BTBD2: variants seen among roughly 807,000 people sequenced by gnomAD.
BTBD2 encodes the protein BTB domain containing 2, also known as BTB/POZ domain-containing protein 2.
Under a neutral mutation model 44.0 loss-of-function variants are expected in BTBD2, and 15 were observed. The ratio of observed to expected loss-of-function variants is 0.34; its 90% CI spans 0.23 to 0.53. The LOEUF (loss-of-function observed/expected upper bound fraction) is 0.53, where lower values mean the gene tolerates loss of function less well. BTBD2 is among the 20% of genes least tolerant of loss of function. The probability of loss-of-function intolerance (pLI) is 0.95; values close to 1 mark genes in which losing one functional copy is unlikely to be tolerated. For missense variants in BTBD2, 657 were observed against 746.4 expected, an observed-to-expected ratio of 0.88 and a Z score of 1.39; for synonymous variants, 443 against 335.9, an observed-to-expected ratio of 1.32 and a Z score of -3.49.
At chr19:1,994,604 C>A (rs2016226095) in intron 2 of BTBD2, among the ~76,000 whole-genome samples, 1 of 151,812 alleles carries the variant, frequency 6.6e-6, no homozygotes, top group African/African-American at 2.4e-5. Context: ...ACTAAAAATA[C>A]AAAAATTAGC....
Position 1,986,493 on chromosome 19 carries a change from T to A in BTBD2, c.1573A>T (p.Thr525Ser), listed in dbSNP as rs1394986554. The stretch of plus-strand genomic sequence containing the variant: ...CGGTGTCGGTGTCGGGCAGCCTAGG[T>A]GTAGAAGATGACCTCGGGGATCTGG... ...DGQIPEVIFY[T>S] The change falls in exon 9 of 9, where the codon ACC (threonine) becomes TCC (serine). Residue 525 changes from threonine (T) to serine (S), a missense_variant. By Grantham distance (58) the Thr-to-Ser change is moderately conservative. Around this residue, in one of 3 missense-constraint regions of BTBD2, gnomAD observed 449 missense variants for 510.9 expected, o/e 0.88. Coordinates refer to ENST00000255608, the MANE Select transcript of BTBD2 (RefSeq NM_017797.4). 6.2e-7 allele frequency: 1 copy of A among 1,613,600 alleles called. No individual in the cohort carries two copies. The highest frequency in any genetic ancestry group is 2.2e-5 in the East Asian group (1 of 44,852).
chr19:2,004,709 T>C (rs185462471), intron 1 of BTBD2, among the ~76,000 whole-genome samples: 256 of 150,820 alleles, frequency 1.7e-3, no homozygotes, highest in African/African-American at 5.6e-3. Flanking sequence ...CCAGGAGCAG[T>C]GGCTCATGCC....
chr19:2,000,974 C>A (rs567433033), intron 1 of BTBD2, among the ~76,000 whole-genome samples: 2 of 152,306 alleles, frequency 1.3e-5, no homozygotes, highest in Admixed American at 6.5e-5. Flanking sequence ...TCCCCAGAGT[C>A]CTCAGATTCA....
intron 2 of BTBD2, among the ~76,000 whole-genome samples, chr19:1,995,640 ATT>A (rs201871379): frequency 1.9e-4 from 24 of 126,266 alleles, no homozygotes; most frequent in Admixed American, 8.0e-4. Context: ...ACTTTGATCT[ATT>A]TTTTTTTTTT....
intron 1 of BTBD2, among the ~76,000 whole-genome samples, chr19:2,011,409 T>A (rs1420739528): frequency 6.6e-6 from 1 of 152,066 alleles, no homozygotes; most frequent in East Asian, 1.9e-4. Flanking sequence ...GCGGATCTGG[T>A]CACACTGGGC....
intron 1 of BTBD2, among the ~76,000 whole-genome samples, chr19:1,998,938 C>T (rs2016288508): frequency 1.3e-5 from 2 of 152,150 alleles, no homozygotes; most frequent in South Asian, 4.1e-4. Context: ...AAGTCTCCCA[C>T]CACAGCAAGT....
intron 1 of BTBD2, among the ~76,000 whole-genome samples, chr19:2,010,439 G>A (rs1319772028): frequency 1.3e-5 from 2 of 152,094 alleles, no homozygotes; most frequent in African/African-American, 4.8e-5. Flanking sequence ...CTGCGCGACG[G>A]TCCAGACACT....
rs1244810480 is a variant in BTBD2 at position 1,997,476 on chromosome 19, AGAGAAG to A, written c.408-19_408-14del. On this transcript the variant is annotated splice_polypyrimidine_tract_variant and intron_variant, in intron 1 of 8. Transcript: ENST00000255608. ...GGCCAGCACGAACCTGGTACGGGAG[AGAGAAG>A]GCCCTGGTTAAGCCCGTGGCCGCCA... The A allele has an allele frequency of 6.2e-7, 1 of 1,613,716 alleles. No individual in the cohort carries two copies. The highest frequency in any genetic ancestry group is 8.5e-7 in the Non-Finnish European group (1 of 1,179,938).
Position 1,997,657 on chromosome 19 carries a change from A to G in BTBD2, c.408-194T>C, listed in dbSNP as rs534839685. Among the ~76,000 whole-genome samples, 6 of 152,350 alleles carry G rather than the reference A, an allele frequency of 3.9e-5. No homozygotes were observed. In the South Asian group the frequency reaches 1.2e-3, roughly 32 times the overall value. Reference sequence around the variant, plus strand: ...GCAGGAGGGTGATGCAGACGGACCCACGGCAAGGACAGGCAGGGCTAGGAC... The same window carrying G: ...GCAGGAGGGTGATGCAGACGGACCCGCGGCAAGGACAGGCAGGGCTAGGAC... On this transcript the variant is annotated intron_variant, in intron 1 of 8. Transcript: ENST00000255608.
At chr19:1,990,334 TGTGA>T in intron 4 of BTBD2, 133 bp from the exon 5 acceptor site, 1 of 905,534 alleles carries the variant, frequency 1.1e-6, no homozygotes, top group Non-Finnish European at 1.7e-6. Context: ...AATCTGGCCC[TGTGA>T]GTGTGTTTAT....
At chr19:2,014,780 TG>T (rs1379192857) in intron 1 of BTBD2, 3 of 140,784 alleles carry the variant, frequency 2.1e-5, no homozygotes, top group Admixed American at 7.3e-5. Context: ...GCAGGCTGGG[TG>T]GGTCCAGGGA....
Position 2,015,323 on chromosome 19 carries a change from G to A in BTBD2, c.381C>T (p.Leu127=). Residue 127 remains leucine (L), a synonymous_variant, in exon 1 of 9, where the codon CTC becomes CTT. Coordinates refer to ENST00000255608, the MANE Select transcript of BTBD2 (RefSeq NM_017797.4). Reference sequence around the variant, plus strand: ...TGTGCGCGGGGATGCGCTGCGAGCTGAGCCCCTTGCCCACCAGGAAGTGCA... The same window carrying A: ...TGTGCGCGGGGATGCGCTGCGAGCTAAGCCCCTTGCCCACCAGGAAGTGCA... The part of the protein sequence containing the change: ...CDVHFLVGKG[L]SSQRIPAHRF... 3.2e-6 allele frequency: 5 copies of A among 1,576,026 alleles called. No homozygotes were observed. The highest frequency in any genetic ancestry group is 2.3e-5 in the South Asian group (2 of 88,294).
Position 1,986,466 on chromosome 19 carries a change from G to A in BTBD2, c.*22C>T. 1 of 1,609,888 alleles carries A rather than the reference G, an allele frequency of 6.2e-7. No individual in the cohort carries two copies. Among genetic ancestry groups the A allele is most frequent in the Non-Finnish European group, 8.5e-7 (1 of 1,176,774 alleles). ...GCTGCGGCTATCCCCACGGAGGGAG[G>A]GCGGTGTCGGTGTCGGGCAGCCTAG... is the stretch of plus-strand genomic sequence containing the variant. On this transcript the variant is annotated 3_prime_UTR_variant, in exon 9 of 9. Transcript: ENST00000255608.
intron 6 of BTBD2, 27 bp from the exon 7 acceptor site, chr19:1,987,280 C>CAGT: frequency 2.5e-6 from 4 of 1,610,872 alleles, no homozygotes; most frequent in Non-Finnish European, 3.4e-6. Flanking sequence ...CAGGCAGCAG[C>CAGT]GTGGATACCC....
Position 1,985,910 on chromosome 19 carries a change from T to G in BTBD2, c.*578A>C, listed in dbSNP as rs2016072006. On this transcript the variant is annotated 3_prime_UTR_variant, in exon 9 of 9. Coordinates refer to ENST00000255608, the MANE Select transcript of BTBD2 (RefSeq NM_017797.4). The stretch of plus-strand genomic sequence containing the variant: ...CAGGGGCCGTCCCCACACTGAATCC[T>G]GCGTGCGCAGAACTCAAGCCGGCAT... The G allele has an allele frequency of 6.4e-6, 1 of 155,048 alleles. No individual in the cohort carries two copies. Among genetic ancestry groups the G allele is most frequent in the African/African-American group, 2.4e-5 (1 of 41,456 alleles). The allele number at this position is 155,048 out of a possible 1,614,324, so 9.6% of individuals were successfully genotyped here.
chr19:2,000,773 C>T (rs181132032), intron 1 of BTBD2, among the ~76,000 whole-genome samples: 7 of 152,334 alleles, frequency 4.6e-5, no homozygotes, highest in South Asian at 2.1e-4. Context: ...TTCCCAACTC[C>T]GAACGGGGGA....
At chr19:1,993,536 T>C (rs1028070661) in intron 2 of BTBD2, among the ~76,000 whole-genome samples, 5 of 152,158 alleles carry the variant, frequency 3.3e-5, no homozygotes, top group Non-Finnish European at 5.9e-5. Flanking sequence ...CATGAGGAAC[T>C]GTTGGTTCCC....
Position 1,997,480 on chromosome 19 carries a change from A to G in BTBD2, c.408-17T>C, listed in dbSNP as rs759103942. The G allele has an allele frequency of 4.3e-6, 7 of 1,613,618 alleles. No individual in the cohort carries two copies. In the Admixed American group the frequency reaches 8.3e-5, roughly 19 times the overall value. Reference sequence around the variant, plus strand: ...AGCACGAACCTGGTACGGGAGAGAGAAGGCCCTGGTTAAGCCCGTGGCCGC... The same window carrying G: ...AGCACGAACCTGGTACGGGAGAGAGGAGGCCCTGGTTAAGCCCGTGGCCGC... On this transcript the variant is annotated splice_polypyrimidine_tract_variant and intron_variant, in intron 1 of 8. Transcript: ENST00000255608.
rs530572498 is a variant in BTBD2 at position 2,004,275 on chromosome 19, T to G, written c.408-6812A>C. ...GTGTCACAGGCACACATCCTTAATG[T>G]TGGCAAAACAAACTTTTTTTTTTTT... On this transcript the variant is annotated intron_variant, in intron 1 of 8. Transcript: ENST00000255608. Among the ~76,000 whole-genome samples, 94 of 147,798 alleles carry G rather than the reference T, an allele frequency of 6.4e-4. 1 individual carries two copies. Among genetic ancestry groups the G allele is most frequent in the African/African-American group, 2.2e-3 (90 of 40,030 alleles).
Sources: allele counts gnomAD v4.1 joint callset (sites outside exome capture counted in the v4.1 genomes callset), GRCh38; gene constraint gnomAD v4.1.1; regional missense constraint gnomAD v4.1.1; transcripts MANE v1.5; gene names NCBI Gene and HGNC (gene_info 2026-07-23, HGNC 2026-07-21).